RBFOX1: variants seen among roughly 807,000 people sequenced by gnomAD.
The protein encoded by RBFOX1 is RNA binding protein fox-1 homolog 1.
RBFOX1 carries 8 observed loss-of-function variants against 57.7 expected under a neutral mutation model. The ratio of observed to expected loss-of-function variants is 0.14; its 90% CI spans 0.08 to 0.25. The LOEUF (loss-of-function observed/expected upper bound fraction) is 0.25. RBFOX1 is among the 10% of genes least tolerant of loss of function. RBFOX1 has a pLI of 1.00. For missense variants in RBFOX1, 611 were observed against 548.5 expected, an observed-to-expected ratio of 1.11 and a Z score of -1.14; for synonymous variants, 326 against 222.4, an observed-to-expected ratio of 1.47 and a Z score of -4.15.
intron 3 of RBFOX1, among the ~76,000 whole-genome samples, chr16:6,986,564 T>C (rs2090334740): frequency 6.6e-6 from 1 of 152,184 alleles, no homozygotes; most frequent in Admixed American, 6.5e-5. Context: ...AGTGCTGGGA[T>C]TGTAGGCATG....
At chr16:7,709,250 C>G in intron 15 of RBFOX1, 119 bp downstream of exon 15, 2 of 1,052,360 alleles carry the variant, frequency 1.9e-6, no homozygotes, top group South Asian at 1.6e-5. Flanking sequence ...GTCTCTTGTG[C>G]TAACAGCAGC....
chr16:6,537,582 C>T (rs2153827228), intron 2 of RBFOX1, among the ~76,000 whole-genome samples: 1 of 152,264 alleles, frequency 6.6e-6, no homozygotes, highest in South Asian at 2.1e-4. Context: ...TTTCAGAGAC[C>T]ACGCTGAAGT....
At chr16:7,662,082 C>A (rs1184242089) in intron 12 of RBFOX1, among the ~76,000 whole-genome samples, 2 of 152,184 alleles carry the variant, frequency 1.3e-5, no homozygotes, top group African/African-American at 4.8e-5. Flanking sequence ...TATCAAAGAA[C>A]CCCAACTCTT....
At chr16:5,656,981 G>A (rs975561972) in intron 3 of RBFOX1, among the ~76,000 whole-genome samples, 5 of 152,098 alleles carry the variant, frequency 3.3e-5, no homozygotes, top group South Asian at 4.1e-4. Context: ...TATTTAATGC[G>A]TGCGGGGCTT....
At chr16:6,463,251 T>G (rs182060036) in intron 2 of RBFOX1, among the ~76,000 whole-genome samples, 1 of 152,334 alleles carries the variant, frequency 6.6e-6, no homozygotes, top group African/African-American at 2.4e-5. Context: ...GATGGCCTAA[T>G]GACAACATTA....
chr16:7,143,589 C>T (rs1459621249), intron 4 of RBFOX1, among the ~76,000 whole-genome samples: 3 of 152,100 alleles, frequency 2.0e-5, no homozygotes, highest in Admixed American at 2.0e-4. Context: ...TCCCAGACCT[C>T]CTTCTCACTC....
At chr16:6,032,208 A>G (rs1255033928) in intron 1 of RBFOX1, among the ~76,000 whole-genome samples, 1 of 152,134 alleles carries the variant, frequency 6.6e-6, no homozygotes. Context: ...TGGAACAAGA[A>G]ACATTTAGCT....
intron 3 of RBFOX1, among the ~76,000 whole-genome samples, chr16:6,703,405 C>A (rs1010273493): frequency 6.6e-6 from 1 of 152,054 alleles, no homozygotes. Flanking sequence ...GAGACCCCAT[C>A]TCTACAGAAA....
intron 3 of RBFOX1, among the ~76,000 whole-genome samples, chr16:6,922,969 T>C (rs1468088325): frequency 6.6e-6 from 1 of 152,196 alleles, no homozygotes; most frequent in Non-Finnish European, 1.5e-5. Context: ...AATCAGATGA[T>C]GTAAGGTGCC....
chr16:7,650,152 G>A (rs111769793), intron 11 of RBFOX1, among the ~76,000 whole-genome samples: 1 of 152,050 alleles, frequency 6.6e-6, no homozygotes, highest in South Asian at 2.1e-4. Context: ...GAATGTGATC[G>A]ATGAGCATTT....
intron 3 of RBFOX1, among the ~76,000 whole-genome samples, chr16:6,757,127 T>C (rs1292855424): frequency 6.6e-6 from 1 of 152,160 alleles, no homozygotes; most frequent in Admixed American, 6.5e-5. Context: ...AGAACGACTA[T>C]TATCAAAAAG....
At chr16:6,826,085 G>C (rs1415788532) in intron 3 of RBFOX1, among the ~76,000 whole-genome samples, 1 of 152,056 alleles carries the variant, frequency 6.6e-6, no homozygotes, top group East Asian at 1.9e-4. Flanking sequence ...CATTGCCCAG[G>C]TCTCCCGCTA....
chr16:6,427,733 T>G (rs2093971166), intron 2 of RBFOX1, among the ~76,000 whole-genome samples: 1 of 152,162 alleles, frequency 6.6e-6, no homozygotes, highest in Non-Finnish European at 1.5e-5. Context: ...TTTATAATGA[T>G]TTAAACAGTT....
At chr16:7,239,093 C>A (rs940132311) in intron 4 of RBFOX1, among the ~76,000 whole-genome samples, 2 of 152,188 alleles carry the variant, frequency 1.3e-5, no homozygotes, top group Non-Finnish European at 2.9e-5. Context: ...AATAGTGCTG[C>A]ATTGAATATA....
At chr16:7,238,732 C>A (rs2093905118) in intron 4 of RBFOX1, among the ~76,000 whole-genome samples, 1 of 152,172 alleles carries the variant, frequency 6.6e-6, no homozygotes, top group South Asian at 2.1e-4. Flanking sequence ...CAGATTATTT[C>A]ATCACCCAGG....
chr16:7,293,075 T>G (rs1234031621), intron 4 of RBFOX1, among the ~76,000 whole-genome samples: 4 of 152,152 alleles, frequency 2.6e-5, no homozygotes, highest in Non-Finnish European at 5.9e-5. Context: ...AATAGCCAAA[T>G]GTCATTTTCA....
chr16:6,851,659 C>CT (rs2094072233), intron 3 of RBFOX1, among the ~76,000 whole-genome samples: 3 of 152,084 alleles, frequency 2.0e-5, no homozygotes, highest in Admixed American at 2.0e-4. Context: ...AAGAACAAGG[C>CT]TCTAGGGTCG....
chr16:7,660,286 C>T (rs774161948), intron 12 of RBFOX1, among the ~76,000 whole-genome samples: 21 of 152,108 alleles, frequency 1.4e-4, no homozygotes, highest in Admixed American at 2.6e-4. Context: ...CATTGAGTCC[C>T]GATGTGATTG....
chr16:5,534,867 T>C (rs2044634471), intron 2 of RBFOX1, among the ~76,000 whole-genome samples: 2 of 152,192 alleles, frequency 1.3e-5, no homozygotes, highest in Non-Finnish European at 2.9e-5. Flanking sequence ...GGGAATTTAT[T>C]AAACACAAGA....
Sources: allele counts gnomAD v4.1 joint callset (sites outside exome capture counted in the v4.1 genomes callset), GRCh38; gene constraint gnomAD v4.1.1; transcripts MANE v1.5; gene names NCBI Gene and HGNC (gene_info 2026-07-23, HGNC 2026-07-21).